The following GSDMC variants were observed in gnomAD, a reference collection of about 807,000 sequenced individuals.
GSDMC encodes the protein gasdermin-C.
In GSDMC, 59 loss-of-function variants were observed where a neutral mutation model predicts 58.0. The ratio of observed to expected loss-of-function variants is 1.02; its 90% confidence interval spans 0.82 to 1.26. GSDMC has a LOEUF of 1.26. GSDMC is among the 50% of genes most tolerant of loss of function. The pLI is 0.00. For missense variants in GSDMC, 659 were observed against 598.5 expected, an observed-to-expected ratio of 1.10 and a Z score of -1.06; for synonymous variants, 241 against 220.2, an observed-to-expected ratio of 1.09 and a Z score of -0.83.
the GSDMC span, among the ~76,000 whole-genome samples, chr8:129,725,949 C>T: frequency 6.6e-6 from 1 of 152,140 alleles, no homozygotes; most frequent in African/African-American, 2.4e-5. Context: ...TCTCACCACC[C>T]CTGCTTTCTT....
rs937611509 is a variant in GSDMC at position 129,761,413 on chromosome 8, C to T, written c.677-824G>A. 1.1e-4 allele frequency among the ~76,000 whole-genome samples: 16 copies of T among 152,260 alleles called. 1 individual carries two copies. In the South Asian group the frequency reaches 3.3e-3, roughly 32 times the overall value. On this transcript the variant is annotated intron_variant, in intron 5 of 13. Transcript: ENST00000276708. ...TTCAAGAATCAGCTACACACTGGGT[C>T]CTCACTTCCCCTCTTTGCATTCACA...
Position 129,750,450 on chromosome 8 carries a change from A to G in GSDMC, c.1064T>C (p.Leu355Pro), listed in dbSNP as rs2033141308. The change falls in exon 11 of 14, where the codon CTA (leucine) becomes CCA (proline). Residue 355 changes from leucine to proline, a missense_variant. Leu to Pro is a moderately conservative substitution (Grantham distance 98). Transcript: ENST00000276708. Reference sequence around the variant, plus strand: ...CCTCACCATGTTCATCAGGTCCTGTAGAGCCCCTCTGTCTCTGAGCATGGC... The same window carrying G: ...CCTCACCATGTTCATCAGGTCCTGTGGAGCCCCTCTGTCTCTGAGCATGGC... The part of the protein sequence containing the change: ...ILAMLRDRGA[L>P]QDLMNMLELD... 8 of 1,614,006 alleles carry G rather than the reference A, an allele frequency of 5.0e-6. No homozygotes were observed. Among genetic ancestry groups the G allele is most frequent in the Non-Finnish European group, 4.2e-6 (5 of 1,179,886 alleles).
intron 1 of GSDMC, among the ~76,000 whole-genome samples, chr8:129,781,545 C>T (rs2034412139): frequency 6.6e-6 from 1 of 152,014 alleles, no homozygotes; most frequent in African/African-American, 2.4e-5. Context: ...GAGATCGAGA[C>T]CGTCCTGGCT....
At chr8:129,729,692 T>G in the GSDMC span, 119,103 of 478,030 alleles carry the variant, frequency 0.25, 21,566 homozygotes, top group African/African-American at 0.65. Context: ...TGCCACATTT[T>G]CTTTATCCAG....
intron 4 of GSDMC, among the ~76,000 whole-genome samples, chr8:129,764,681 T>C (rs944804217): frequency 2.0e-5 from 3 of 152,200 alleles, no homozygotes; most frequent in Non-Finnish European, 4.4e-5. Context: ...GAAGTGATTA[T>C]TACACATCGT....
the GSDMC span, among the ~76,000 whole-genome samples, chr8:129,713,386 A>G: frequency 4.7e-4 from 62 of 132,182 alleles, no homozygotes; most frequent in African/African-American, 1.7e-3. Context: ...CCAGCCATCA[A>G]TGGAGCCTTG....
At position 129,764,383 on chromosome 8, in the gene GSDMC, C is replaced by T. The variant is rs1015021385; in HGVS notation, c.570+1245G>A. Among the ~76,000 whole-genome samples the T allele has an allele frequency of 1.3e-4, 20 of 152,080 alleles. 1 individual carries two copies. Among genetic ancestry groups the T allele is most frequent in the Admixed American group, 3.3e-4 (5 of 15,268 alleles). Reference sequence around the variant, plus strand: ...CTTAGGAAATAATTCTTCAATCTCCCGCCTAGGCTGTGTGTTGTAGGGGTA... The same window carrying T: ...CTTAGGAAATAATTCTTCAATCTCCTGCCTAGGCTGTGTGTTGTAGGGGTA... On this transcript the variant is annotated intron_variant, in intron 4 of 13. Coordinates refer to ENST00000276708, the MANE Select transcript of GSDMC (RefSeq NM_031415.3).
chr8:129,781,058 C>A (rs1211500327), intron 1 of GSDMC, among the ~76,000 whole-genome samples: 2 of 151,556 alleles, frequency 1.3e-5, no homozygotes, highest in African/African-American at 2.4e-5. Context: ...AAATGAAAAG[C>A]AAGAAATTGA....
chr8:129,709,743 T>C, the GSDMC span, among the ~76,000 whole-genome samples: 1 of 152,318 alleles, frequency 6.6e-6, no homozygotes, highest in East Asian at 1.9e-4. Flanking sequence ...CTTGTCATCC[T>C]TCCCCTCCAT....
the GSDMC span, among the ~76,000 whole-genome samples, chr8:129,722,121 C>T: frequency 6.6e-6 from 1 of 152,192 alleles, no homozygotes; most frequent in Non-Finnish European, 1.5e-5. Context: ...TTAAGTCACT[C>T]TATTCCCTGT....
the GSDMC span, among the ~76,000 whole-genome samples, chr8:129,711,625 A>T: frequency 6.6e-6 from 1 of 152,212 alleles, no homozygotes; most frequent in Non-Finnish European, 1.5e-5. Context: ...TTCAAGGCTG[A>T]TGAGGGGGCA....
chr8:129,706,236 G>A, the GSDMC span, among the ~76,000 whole-genome samples: 1 of 151,960 alleles, frequency 6.6e-6, no homozygotes, highest in Non-Finnish European at 1.5e-5. Flanking sequence ...AAAGTCAGAG[G>A]AATTACAGAG....
chr8:129,750,075 G>A lies in GSDMC; in HGVS notation c.1128C>T (p.Ala376=). Residue 376 remains alanine, a synonymous_variant, in exon 12 of 14, where the codon GCC becomes GCT. Transcript: ENST00000276708. ...AATCCTGTTGAAGTTTCTTTAGGAT[G>A]GCACCACCAGGGCCATCCAAATGAC... The part of the protein sequence containing the change: ...SSGHLDGPGG[A]ILKKLQQDSN... 1.9e-6 allele frequency: 3 copies of A among 1,607,768 alleles called. No individual in the cohort carries two copies. The highest frequency in any genetic ancestry group is 2.5e-6 in the Non-Finnish European group (3 of 1,176,546).
At chr8:129,770,460 C>G (rs764485815) in intron 3 of GSDMC, among the ~76,000 whole-genome samples, 8 of 152,198 alleles carry the variant, frequency 5.3e-5, no homozygotes, top group Non-Finnish European at 8.8e-5. Flanking sequence ...TGTACCACTG[C>G]ACTCCAGCCT....
chr8:129,754,731 G>A (rs76403406), intron 6 of GSDMC, among the ~76,000 whole-genome samples: 1,813 of 152,224 alleles, frequency 0.012, 39 homozygotes, highest in African/African-American at 0.042. Context: ...AAGAAATTCA[G>A]AATTCTATCA....
At chr8:129,769,515 G>C (rs770199469) in intron 3 of GSDMC, among the ~76,000 whole-genome samples, 4 of 152,138 alleles carry the variant, frequency 2.6e-5, no homozygotes, top group Non-Finnish European at 4.4e-5. Flanking sequence ...ACCAGTATTT[G>C]GTGAATGTCA....
At chr8:129,762,536 T>C (rs76880196) in intron 5 of GSDMC, 90 bp downstream of exon 5, 31,003 of 814,758 alleles carry the variant, frequency 0.038, 727 homozygotes, top group Middle Eastern at 0.082. Flanking sequence ...AAAGGTTGCA[T>C]ACTATGGTTA....
At chr8:129,774,437 A>G (rs1326975315) in intron 3 of GSDMC, among the ~76,000 whole-genome samples, 1 of 152,124 alleles carries the variant, frequency 6.6e-6, no homozygotes, top group East Asian at 1.9e-4. Flanking sequence ...CTGGAACCTT[A>G]AAACATTTTT....
the GSDMC span, among the ~76,000 whole-genome samples, chr8:129,741,371 C>T: frequency 2.0e-5 from 3 of 151,832 alleles, no homozygotes; most frequent in Non-Finnish European, 4.4e-5. Context: ...TTTTCTATTT[C>T]TGTGAAAATG....
Sources: allele counts gnomAD v4.1 joint callset (sites outside exome capture counted in the v4.1 genomes callset), GRCh38; gene constraint gnomAD v4.1.1; transcripts MANE v1.5; gene names NCBI Gene and HGNC (gene_info 2026-07-23, HGNC 2026-07-21).